The following RSPRY1 variants were observed in gnomAD, a reference collection of about 807,000 sequenced individuals.
The protein encoded by RSPRY1 is ring finger and SPRY domain containing 1.
In RSPRY1, 23 loss-of-function variants were observed where a neutral mutation model predicts 73.1. The observed-to-expected ratio is 0.31, with a 90% CI of 0.23 to 0.45. The LOEUF is 0.45. Among genes scored for constraint, RSPRY1 ranks in the 20% least tolerant of loss-of-function variants. The pLI is 1.00. For synonymous variants in RSPRY1, 226 were observed against 251.4 expected (o/e 0.90, Z 0.95); for missense variants, 448 against 698.7 (o/e 0.64, Z 4.05).
intron 6 of RSPRY1, among the ~76,000 whole-genome samples, chr16:57,214,171 C>G (rs905050020): frequency 3.3e-5 from 5 of 152,162 alleles, no homozygotes; most frequent in Non-Finnish European, 7.4e-5. Context: ...CTGAGTTAGT[C>G]TGGTTTTAAA....
chr16:57,195,836 C>T (rs1338470031), intron 1 of RSPRY1, among the ~76,000 whole-genome samples: 3 of 151,634 alleles, frequency 2.0e-5, no homozygotes, highest in Non-Finnish European at 4.4e-5. Context: ...GCCTGGCCAA[C>T]ATATTGAAAC....
At chr16:57,209,037 A>C in intron 3 of RSPRY1, 38 bp from the exon 4 acceptor site, 1 of 1,313,482 alleles carries the variant, frequency 7.6e-7, no homozygotes, top group Non-Finnish European at 1.1e-6. Context: ...TTTTAAAAAT[A>C]GTGACTCCAT....
intron 1 of RSPRY1, among the ~76,000 whole-genome samples, chr16:57,202,892 A>ATATATATATGAT (rs1555500029): frequency 2.1e-5 from 3 of 146,290 alleles, no homozygotes; most frequent in Admixed American, 6.8e-5. Flanking sequence ...ATATATATAT[A>ATATATATATGAT]TATATATATA....
intron 11 of RSPRY1, 21 bp downstream of exon 11, chr16:57,227,474 A>G: frequency 6.5e-7 from 1 of 1,545,966 alleles, no homozygotes. Context: ...CCTCCATTAT[A>G]AATTTATCAA....
chr16:57,230,646 A>G (rs1433877064), intron 11 of RSPRY1, 65 bp from the exon 12 acceptor site: 13 of 878,152 alleles, frequency 1.5e-5, no homozygotes, highest in Non-Finnish European at 2.1e-5. Context: ...AACACTTGAG[A>G]TGCTTAGCAA....
intron 1 of RSPRY1, among the ~76,000 whole-genome samples, chr16:57,197,089 G>T (rs1372599394): frequency 1.3e-5 from 2 of 152,126 alleles, no homozygotes; most frequent in African/African-American, 4.8e-5. Context: ...CAGTTTTATT[G>T]TCTTAAAGCA....
intron 11 of RSPRY1, among the ~76,000 whole-genome samples, chr16:57,230,081 T>A (rs1190017592): frequency 7.1e-6 from 1 of 141,284 alleles, no homozygotes; most frequent in Non-Finnish European, 1.5e-5. Context: ...CATGATGTCG[T>A]CTCACTGCAA....
chr16:57,193,165 G>C (rs1376298088), intron 1 of RSPRY1, among the ~76,000 whole-genome samples: 1 of 152,182 alleles, frequency 6.6e-6, no homozygotes, highest in African/African-American at 2.4e-5. Flanking sequence ...TACTCTGTGT[G>C]ACCTAAACCT....
At chr16:57,234,032 C>G (rs1044264261) in intron 13 of RSPRY1, among the ~76,000 whole-genome samples, 19 of 152,152 alleles carry the variant, frequency 1.2e-4, no homozygotes, top group African/African-American at 4.1e-4. Context: ...ACGGAAAAGC[C>G]AAAACCTTTC....
intron 1 of RSPRY1, among the ~76,000 whole-genome samples, chr16:57,189,684 C>T (rs1304138772): frequency 5.9e-5 from 9 of 151,268 alleles, no homozygotes; most frequent in African/African-American, 2.2e-4. Flanking sequence ...CTCTACCTCC[C>T]AGGCTCAGGT....
At chr16:57,207,648 A>G (rs1350848437) in intron 2 of RSPRY1, 1 of 457,954 alleles carries the variant, frequency 2.2e-6, no homozygotes, top group Non-Finnish European at 4.4e-6. Flanking sequence ...TAAGTCCTCA[A>G]CCGGGATTGT....
At chr16:57,216,030 G>A in intron 6 of RSPRY1, 77 bp from the exon 7 acceptor site, 1 of 1,123,416 alleles carries the variant, frequency 8.9e-7, no homozygotes, top group South Asian at 1.3e-5. Flanking sequence ...ATTGGGCAAG[G>A]AAATGAAACT....
chr16:57,215,943 CATT>C (rs554586095), intron 6 of RSPRY1, among the ~76,000 whole-genome samples, 161 bp from the exon 7 acceptor site: 140 of 152,204 alleles, frequency 9.2e-4, no homozygotes, highest in African/African-American at 3.0e-3. Flanking sequence ...TCATTACTAA[CATT>C]ATTAGCCAAA....
intron 12 of RSPRY1, 83 bp from the exon 13 acceptor site, chr16:57,231,084 G>T (rs2146370058): frequency 1.5e-6 from 2 of 1,327,686 alleles, no homozygotes; most frequent in Non-Finnish European, 1.0e-6. Context: ...GACTCACCCT[G>T]CCTTTCTGAA....
At chr16:57,209,241 A>G (rs1477680571) in intron 4 of RSPRY1, 54 bp downstream of exon 4, 2 of 1,138,554 alleles carry the variant, frequency 1.8e-6, no homozygotes, top group African/African-American at 3.1e-5. Context: ...AGCACAAGAT[A>G]AATGACCACA....
chr16:57,220,766 A>G lies in RSPRY1; in HGVS notation c.936A>G (p.Lys312=), dbSNP rs776346576. The change falls in exon 9 of 15, where the codon AAA becomes AAG. Residue 312 remains lysine, a synonymous_variant. Transcript: ENST00000394420. ...AAGGTAGACAGCTGACCTATGAGAA[A>G]GTGAACTTGAGTAGCATTAGGGCCA... ...LKEGRQLTYE[K]VNLSSIRAML... The G allele has an allele frequency of 6.2e-6, 10 of 1,613,744 alleles. No homozygotes were observed. Among genetic ancestry groups the G allele is most frequent in the Middle Eastern group, 1.6e-4 (1 of 6,084 alleles).
intron 8 of RSPRY1, among the ~76,000 whole-genome samples, chr16:57,219,158 TC>T (rs2074994282): frequency 6.6e-6 from 1 of 152,240 alleles, no homozygotes; most frequent in Non-Finnish European, 1.5e-5. Flanking sequence ...TAATTTCCTT[TC>T]TTTTTGGTGT....
chr16:57,192,308 A>G (rs1181669955), intron 1 of RSPRY1, among the ~76,000 whole-genome samples: 2 of 152,204 alleles, frequency 1.3e-5, no homozygotes, highest in African/African-American at 4.8e-5. Context: ...TGAATAACAC[A>G]TGATCTCCTA....
In RSPRY1 at chr16:57,220,838, T is replaced by C; in HGVS notation, c.1008T>C (p.His336=). 6.2e-7 allele frequency: 1 copy of C among 1,604,452 alleles called. No individual in the cohort carries two copies. The highest frequency in any genetic ancestry group is 8.5e-7 in the Non-Finnish European group (1 of 1,171,092). ...DVSEYLKISP[H]GLEARCDASS... is the part of the protein sequence containing the mutation. ...GCGAGTACCTGAAGATCTCACCTCA[T>C]GGCTTAGAGGTAGGTAATGCTTCTA... Residue 336 remains histidine (H), a synonymous_variant, in exon 9 of 15, where the codon CAT becomes CAC. Coordinates refer to ENST00000394420, the MANE Select transcript of RSPRY1 (RefSeq NM_133368.3).
Sources: gnomAD v4.1 joint callset for allele counts (sites outside exome capture counted in the v4.1 genomes callset) on GRCh38, gnomAD v4.1.1 for gene constraint, MANE v1.5 for transcripts, NCBI Gene and HGNC (gene_info 2026-07-23, HGNC 2026-07-21) for gene names.